The following CRPPA variants were observed in gnomAD, a reference collection of about 807,000 sequenced individuals.
The protein encoded by CRPPA is D-ribitol-5-phosphate cytidylyltransferase.
CRPPA carries 43 observed loss-of-function variants against 52.0 expected under a neutral mutation model. The ratio of observed to expected loss-of-function variants is 0.83; its 90% CI spans 0.65 to 1.07. CRPPA has a LOEUF of 1.07. CRPPA is among the 50% of genes least tolerant of loss of function. The probability of loss-of-function intolerance (pLI) is 0.00; values close to 1 mark genes in which losing one functional copy is unlikely to be tolerated. For missense variants in CRPPA, 629 were observed against 551.7 expected (o/e 1.14, Z -1.40); for synonymous variants, 250 against 203.5 (o/e 1.23, Z -1.94).
At chr7:16,286,557 C>CCTCA (rs1784453802) in intron 5 of CRPPA, among the ~76,000 whole-genome samples, 1 of 40,058 alleles carries the variant, frequency 2.5e-5, no homozygotes, top group African/African-American at 2.8e-4. Flanking sequence ...ATACCTTACT[C>CCTCA]ATCAATTCCT....
At chr7:16,375,118 C>T (rs1786847793) in intron 3 of CRPPA, among the ~76,000 whole-genome samples, 1 of 152,174 alleles carries the variant, frequency 6.6e-6, no homozygotes, top group Non-Finnish European at 1.5e-5. Context: ...AAACTGCACA[C>T]CTCCTTTTAC....
chr7:16,290,057 C>T (rs1784528108), intron 5 of CRPPA, among the ~76,000 whole-genome samples: 1 of 151,782 alleles, frequency 6.6e-6, no homozygotes, highest in Non-Finnish European at 1.5e-5. Flanking sequence ...GAAAGCAATC[C>T]CTTTTACAAT....
chr7:16,405,925 A>C (rs1583585313), intron 2 of CRPPA, 136 bp downstream of exon 2: 2 of 795,180 alleles, frequency 2.5e-6, no homozygotes, highest in Non-Finnish European at 3.9e-6. Context: ...TACTACAACA[A>C]ATCACCATAA....
chr7:16,367,032 C>T (rs966151363), intron 3 of CRPPA, among the ~76,000 whole-genome samples: 5 of 152,168 alleles, frequency 3.3e-5, no homozygotes, highest in African/African-American at 9.7e-5. Flanking sequence ...AACAAGTCAG[C>T]TCTTTCTGAC....
intron 3 of CRPPA, among the ~76,000 whole-genome samples, chr7:16,312,906 T>G (rs904032165): frequency 3.9e-5 from 6 of 151,988 alleles, no homozygotes; most frequent in Admixed American, 2.6e-4. Context: ...ACCAGTCTTG[T>G]GTATCTGAGA....
intron 2 of CRPPA, among the ~76,000 whole-genome samples, chr7:16,396,568 A>G (rs1787576866): frequency 6.6e-6 from 1 of 152,252 alleles, no homozygotes; most frequent in Non-Finnish European, 1.5e-5. Flanking sequence ...CAATCCCACT[A>G]CTGGGTATCC....
chr7:16,371,820 G>A (rs769011411), intron 3 of CRPPA, among the ~76,000 whole-genome samples: 9 of 151,770 alleles, frequency 5.9e-5, no homozygotes, highest in South Asian at 4.2e-4. Flanking sequence ...TTAAATCTAT[G>A]ATATAAATGA....
intron 3 of CRPPA, among the ~76,000 whole-genome samples, chr7:16,316,639 A>G (rs1462456299): frequency 6.6e-6 from 1 of 152,132 alleles, no homozygotes; most frequent in Admixed American, 6.5e-5. Flanking sequence ...AGGTGGGACC[A>G]TCGCTTGAGG....
chr7:16,103,436 C>T (rs1013373076), intron 9 of CRPPA, among the ~76,000 whole-genome samples: 4 of 152,024 alleles, frequency 2.6e-5, no homozygotes, highest in Admixed American at 2.6e-4. Flanking sequence ...ACATGTATCC[C>T]AGAACTTAAA....
chr7:16,140,461 A>G (rs2128375592), intron 9 of CRPPA, among the ~76,000 whole-genome samples: 1 of 152,258 alleles, frequency 6.6e-6, no homozygotes, highest in South Asian at 2.1e-4. Flanking sequence ...CACTGCGCCC[A>G]GTCCTATACT....
In CRPPA at chr7:16,397,462, CAT is replaced by C. The variant is rs1310160913; in HGVS notation, c.534+8597_534+8598del. 2.6e-5 allele frequency among the ~76,000 whole-genome samples: 4 copies of C among 152,284 alleles called. No individual in the cohort carries two copies. In the South Asian group the frequency reaches 6.2e-4, roughly 24 times the overall value. ...GTGATGTAACAGACGTGACACGTGA[CAT>C]GTGACTCATAGTTGACATAACAGAA... On this transcript the variant is annotated intron_variant, in intron 2 of 9. Coordinates refer to ENST00000407010, the MANE Select transcript of CRPPA (RefSeq NM_001101426.4).
chr7:16,195,107 C>T (rs941385248), intron 9 of CRPPA, among the ~76,000 whole-genome samples: 4 of 151,874 alleles, frequency 2.6e-5, no homozygotes, highest in Middle Eastern at 3.4e-3. Context: ...AGAGCCCAAC[C>T]CAAATCAAAG....
Position 16,186,554 on chromosome 7 carries a change from CA to C in CRPPA, c.1251+29511del, listed in dbSNP as rs370296079. Among the ~76,000 whole-genome samples, 30 of 152,198 alleles carry C rather than the reference CA, an allele frequency of 2.0e-4. No homozygotes were observed. In the East Asian group the frequency reaches 2.5e-3, roughly 13 times the overall value. ...TTATAGCAACCTAAAATGAGTAAGA[CA>C]GAGGGGGAATAGAATTGAAAGGAAT... On this transcript the variant is annotated intron_variant, in intron 9 of 9. Transcript: ENST00000407010.
At chr7:16,304,619 T>G (rs1784868118) in intron 4 of CRPPA, among the ~76,000 whole-genome samples, 1 of 152,026 alleles carries the variant, frequency 6.6e-6, no homozygotes, top group South Asian at 2.1e-4. Flanking sequence ...CCAGCCTGGG[T>G]GACAGAGCAA....
chr7:16,248,285 G>A (rs1405321991), intron 8 of CRPPA, among the ~76,000 whole-genome samples: 1 of 152,178 alleles, frequency 6.6e-6, no homozygotes, highest in African/African-American at 2.4e-5. Context: ...TCTGCAGTGA[G>A]CCATAATCAT....
At chr7:16,239,376 T>A (rs1371831269) in intron 8 of CRPPA, among the ~76,000 whole-genome samples, 1 of 151,754 alleles carries the variant, frequency 6.6e-6, no homozygotes, top group Non-Finnish European at 1.5e-5. Flanking sequence ...AATATTATAA[T>A]AACAAAGCCA....
At chr7:16,316,318 G>A (rs747878706) in intron 3 of CRPPA, among the ~76,000 whole-genome samples, 1 of 152,018 alleles carries the variant, frequency 6.6e-6, no homozygotes, top group Admixed American at 6.6e-5. Flanking sequence ...GGGCTGGCAT[G>A]AAGACTTTAT....
At chr7:16,368,860 G>C (rs191977265) in intron 3 of CRPPA, among the ~76,000 whole-genome samples, 1 of 152,196 alleles carries the variant, frequency 6.6e-6, no homozygotes, top group African/African-American at 2.4e-5. Flanking sequence ...GAATTTCTTA[G>C]AGATTTAAGG....
chr7:16,286,304 G>T (rs1784447136), intron 5 of CRPPA, among the ~76,000 whole-genome samples: 1 of 140,494 alleles, frequency 7.1e-6, no homozygotes, highest in Admixed American at 7.3e-5. Flanking sequence ...TCACAGTATA[G>T]TAAGCCTCAT....
Sources: gnomAD v4.1 joint callset for allele counts (sites outside exome capture counted in the v4.1 genomes callset) on GRCh38, gnomAD v4.1.1 for gene constraint, MANE v1.5 for transcripts, NCBI Gene and HGNC (gene_info 2026-07-23, HGNC 2026-07-21) for gene names.